SCN8A: variants seen among roughly 807,000 people sequenced by gnomAD.
SCN8A encodes sodium channel protein type 8 subunit alpha.
SCN8A carries 30 observed loss-of-function variants against 184.1 expected under a neutral mutation model. The observed-to-expected ratio is 0.16, with a 90% CI of 0.12 to 0.22. The LOEUF (loss-of-function observed/expected upper bound fraction) is 0.22. SCN8A is among the 10% of genes least tolerant of loss of function. The pLI is 1.00. For missense variants in SCN8A, 1,057 were observed against 2,498.9 expected (o/e 0.42, Z 12.30); for synonymous variants, 852 against 907.0 (o/e 0.94, Z 1.09).
chr12:51,630,814 A>C (rs950121938), intron 1 of SCN8A, among the ~76,000 whole-genome samples: 1 of 152,094 alleles, frequency 6.6e-6, no homozygotes, highest in South Asian at 2.1e-4. Flanking sequence ...ATTCAAGTCC[A>C]TTCTAGGACT....
chr12:51,779,880 A>G (rs1937839842), intron 20 of SCN8A, among the ~76,000 whole-genome samples: 1 of 152,148 alleles, frequency 6.6e-6, no homozygotes, highest in South Asian at 2.1e-4. Flanking sequence ...GTGGCCATGG[A>G]GGGGTCCTGG....
chr12:51,764,270 A>T (rs1942804394), intron 15 of SCN8A, among the ~76,000 whole-genome samples: 1 of 152,212 alleles, frequency 6.6e-6, no homozygotes, highest in African/African-American at 2.4e-5. Context: ...ATTTGTTAGC[A>T]TATGACATCT....
intron 25 of SCN8A, among the ~76,000 whole-genome samples, chr12:51,790,896 G>T (rs1396667510): frequency 6.6e-6 from 1 of 152,194 alleles, no homozygotes; most frequent in Non-Finnish European, 1.5e-5. Context: ...GCTCAATAAG[G>T]ATGTCTTTGC....
chr12:51,744,424 TC>T (rs1238720829), intron 12 of SCN8A, among the ~76,000 whole-genome samples: 1 of 152,176 alleles, frequency 6.6e-6, no homozygotes, highest in East Asian at 1.9e-4. Flanking sequence ...GGAAGCCTCT[TC>T]CTGTGGCCAC....
At chr12:51,630,683 G>A (rs993180278) in intron 1 of SCN8A, among the ~76,000 whole-genome samples, 1 of 152,086 alleles carries the variant, frequency 6.6e-6, no homozygotes, top group Non-Finnish European at 1.5e-5. Flanking sequence ...CTCATGACAA[G>A]TGACACTTCC....
intron 2 of SCN8A, among the ~76,000 whole-genome samples, chr12:51,664,906 C>T (rs543737670): frequency 2.6e-5 from 4 of 152,168 alleles, no homozygotes; most frequent in Admixed American, 6.5e-5. Context: ...TGACAGGCCC[C>T]GATGTGTGTT....
chr12:51,666,590 CTT>C (rs1164348027), intron 2 of SCN8A, among the ~76,000 whole-genome samples: 2 of 152,192 alleles, frequency 1.3e-5, no homozygotes, highest in Non-Finnish European at 2.9e-5. Context: ...AATAGAATCT[CTT>C]TTCTTTGCTA....
chr12:51,796,849 C>T (rs553109618), intron 26 of SCN8A, among the ~76,000 whole-genome samples: 1 of 152,268 alleles, frequency 6.6e-6, no homozygotes, highest in Non-Finnish European at 1.5e-5. Flanking sequence ...AAGCATCCAG[C>T]GCGGGAGGAG....
intron 2 of SCN8A, among the ~76,000 whole-genome samples, chr12:51,667,827 A>C (rs1941061924): frequency 6.6e-6 from 1 of 152,194 alleles, no homozygotes; most frequent in African/African-American, 2.4e-5. Context: ...CATATAAACA[A>C]AAATTTAAAT....
intron 1 of SCN8A, among the ~76,000 whole-genome samples, chr12:51,593,846 A>G (rs1427341793): frequency 6.6e-6 from 1 of 152,222 alleles, no homozygotes; most frequent in Non-Finnish European, 1.5e-5. Context: ...TACAGGCTGC[A>G]ACAGATCCAT....
intron 1 of SCN8A, among the ~76,000 whole-genome samples, chr12:51,655,866 T>C (rs984471917): frequency 2.6e-5 from 4 of 152,206 alleles, no homozygotes; most frequent in Non-Finnish European, 5.9e-5. Context: ...GATATAGTAG[T>C]GGTATGATGG....
At chr12:51,736,938 A>T (rs1425278032) in intron 12 of SCN8A, among the ~76,000 whole-genome samples, 1 of 152,264 alleles carries the variant, frequency 6.6e-6, no homozygotes, top group Non-Finnish European at 1.5e-5. Context: ...CTTTACCATT[A>T]CGAGACCCAT....
intron 8 of SCN8A, 54 bp downstream of exon 8, chr12:51,701,261 T>C: frequency 8.3e-7 from 1 of 1,210,998 alleles, no homozygotes; most frequent in South Asian, 1.7e-5. Context: ...TACCTGTTAT[T>C]AGTAGGGTCA....
intron 5 of SCN8A, among the ~76,000 whole-genome samples, chr12:51,687,523 G>A (rs1941438536): frequency 6.6e-6 from 1 of 152,136 alleles, no homozygotes; most frequent in Non-Finnish European, 1.5e-5. Flanking sequence ...AACGATCACG[G>A]TTTGCACACC....
intron 13 of SCN8A, 44 bp downstream of exon 13, chr12:51,746,079 T>C (rs759112141): frequency 4.1e-5 from 63 of 1,538,994 alleles, no homozygotes; most frequent in Non-Finnish European, 5.4e-5. Flanking sequence ...GATATAAATA[T>C]GTAATGTGCA....
chr12:51,811,286 A>AC lies in SCN8A; in HGVS notation c.*3865dup, dbSNP rs200633971. 0.019 allele frequency: 2,712 copies of AC among 145,856 alleles called. 54 individuals carry two copies. The highest frequency in any genetic ancestry group is 0.057 in the African/African-American group (2,252 of 39,236). The allele number at this position is 145,856 out of a possible 1,614,324, so 9.0% of individuals were successfully genotyped here. On this transcript the variant is annotated 3_prime_UTR_variant, in exon 27 of 27. Transcript: ENST00000627620. ...AGATTGGAAGAAAAGCAAGGTCCTGACCCCCCCCAGATCCCCACTCACCCA... is the reference window on the plus strand; with the variant it reads ...AGATTGGAAGAAAAGCAAGGTCCTGACCCCCCCCCAGATCCCCACTCACCCA...
At chr12:51,672,782 C>T (rs1236318478) in intron 2 of SCN8A, among the ~76,000 whole-genome samples, 1 of 152,162 alleles carries the variant, frequency 6.6e-6, no homozygotes, top group Non-Finnish European at 1.5e-5. Context: ...ATTTTTGACT[C>T]CCCAATTTTC....
chr12:51,692,224 C>T (rs1425611637), intron 6 of SCN8A, among the ~76,000 whole-genome samples: 1 of 152,168 alleles, frequency 6.6e-6, no homozygotes, highest in African/African-American at 2.4e-5. Flanking sequence ...ACAAAGCTCC[C>T]TGTGTATCAA....
intron 20 of SCN8A, among the ~76,000 whole-genome samples, chr12:51,775,765 A>G (rs182909766): frequency 2.6e-4 from 40 of 152,304 alleles, no homozygotes; most frequent in Admixed American, 1.7e-3. Flanking sequence ...GCTCCTCAGG[A>G]CTACCTGGCG....
Sources: allele counts gnomAD v4.1 joint callset (sites outside exome capture counted in the v4.1 genomes callset), GRCh38; gene constraint gnomAD v4.1.1; transcripts MANE v1.5; gene names NCBI Gene and HGNC (gene_info 2026-07-23, HGNC 2026-07-21).